The following DHRS3 variants were observed in gnomAD, a reference collection of about 807,000 sequenced individuals.
DHRS3 encodes the protein short-chain dehydrogenase/reductase 3.
DHRS3 carries 14 observed loss-of-function variants against 27.2 expected under a neutral mutation model. That is an observed-to-expected ratio of 0.52 (90% CI 0.34 to 0.81). The LOEUF (loss-of-function observed/expected upper bound fraction) is 0.81. DHRS3 is among the 30% of genes least tolerant of loss of function. DHRS3 has a pLI of 0.01. For missense variants in DHRS3, 322 were observed against 406.2 expected, an observed-to-expected ratio of 0.79 and a Z score of 1.78; for synonymous variants, 165 against 175.9, an observed-to-expected ratio of 0.94 and a Z score of 0.49.
intron 1 of DHRS3, among the ~76,000 whole-genome samples, chr1:12,599,739 G>A (rs540802110): frequency 2.4e-4 from 37 of 152,204 alleles, no homozygotes; most frequent in Non-Finnish European, 4.6e-4. Context: ...CATCCTTAAC[G>A]CCTCAGCTTA....
chr1:12,571,706 G>T (rs1001849343), intron 5 of DHRS3, among the ~76,000 whole-genome samples: 3 of 151,672 alleles, frequency 2.0e-5, no homozygotes, highest in African/African-American at 7.3e-5. Flanking sequence ...AATTTTTTTT[G>T]TATTTTTAGT....
chr1:12,615,441 G>A (rs1296896749), intron 1 of DHRS3, among the ~76,000 whole-genome samples: 2 of 152,138 alleles, frequency 1.3e-5, no homozygotes, highest in Non-Finnish European at 1.5e-5. Context: ...TTCCCGGTGC[G>A]TGAACTTGCA....
chr1:12,568,488 G>C, intron 5 of DHRS3, 64 bp from the exon 6 acceptor site: 1 of 1,516,016 alleles, frequency 6.6e-7, no homozygotes, highest in South Asian at 1.1e-5. Flanking sequence ...GGGCTGGGTC[G>C]CTGGTGGCCA....
At chr1:12,611,433 G>T (rs1180354868) in intron 1 of DHRS3, among the ~76,000 whole-genome samples, 1 of 152,224 alleles carries the variant, frequency 6.6e-6, no homozygotes, top group Non-Finnish European at 1.5e-5. Flanking sequence ...AACGTCTTCT[G>T]CAAGAGCTGA....
At chr1:12,605,456 T>C (rs1646864076) in intron 1 of DHRS3, among the ~76,000 whole-genome samples, 1 of 152,222 alleles carries the variant, frequency 6.6e-6, no homozygotes, top group Non-Finnish European at 1.5e-5. Flanking sequence ...TGTATATTAA[T>C]AGTGCCATGT....
At chr1:12,597,300 C>G (rs1317509838) in intron 1 of DHRS3, among the ~76,000 whole-genome samples, 1 of 152,186 alleles carries the variant, frequency 6.6e-6, no homozygotes, top group Non-Finnish European at 1.5e-5. Flanking sequence ...TGGTCTCGAA[C>G]TCCTGACCTC....
At chr1:12,573,288 C>T (rs941331665) in intron 4 of DHRS3, among the ~76,000 whole-genome samples, 1 of 152,250 alleles carries the variant, frequency 6.6e-6, no homozygotes, top group African/African-American at 2.4e-5. Flanking sequence ...GCCTGGCTCT[C>T]TCCTCCCAGC....
At chr1:12,606,231 T>A (rs2100717009) in intron 1 of DHRS3, among the ~76,000 whole-genome samples, 1 of 148,498 alleles carries the variant, frequency 6.7e-6, no homozygotes, top group East Asian at 2.0e-4. Context: ...AAGCCTGAAG[T>A]GCCAGACCAT....
intron 1 of DHRS3, among the ~76,000 whole-genome samples, chr1:12,584,569 A>C (rs973348909): frequency 6.6e-6 from 1 of 150,990 alleles, no homozygotes; most frequent in Non-Finnish European, 1.5e-5. Context: ...TGAATGAATG[A>C]ATGAATGACA....
chr1:12,598,056 C>T (rs368327667), intron 1 of DHRS3, among the ~76,000 whole-genome samples: 4 of 152,218 alleles, frequency 2.6e-5, no homozygotes, highest in African/African-American at 9.7e-5. Context: ...CCAGGAAGAA[C>T]GTATCACACA....
At chr1:12,595,060 A>G (rs112351086) in intron 1 of DHRS3, among the ~76,000 whole-genome samples, 5 of 152,270 alleles carry the variant, frequency 3.3e-5, no homozygotes, top group African/African-American at 9.6e-5. Flanking sequence ...AGGTCCCTTC[A>G]GCTTCCAGAA....
Position 12,586,883 on chromosome 1 carries a change from C to G in DHRS3, c.196-6217G>C, listed in dbSNP as rs1412014321. On this transcript the variant is annotated intron_variant, in intron 1 of 5. Transcript: ENST00000616661. The surrounding 1 kb of genome is among the most constrained non-coding windows in gnomAD (Gnocchi z 5.0). ...CCTGTGGGGATTAAGCTGGCAGAAGCTGGCACCCACTAACTAACTGCTCAG... is the reference window on the plus strand; with the variant it reads ...CCTGTGGGGATTAAGCTGGCAGAAGGTGGCACCCACTAACTAACTGCTCAG... Among the ~76,000 whole-genome samples the G allele has an allele frequency of 6.6e-6, 1 of 152,152 alleles. No homozygotes were observed. The highest frequency in any genetic ancestry group is 6.5e-5 in the Admixed American group (1 of 15,270).
Position 12,568,285 on chromosome 1 carries a change from C to T in DHRS3, c.*55G>A. ...ATGGACAGGTGCTCGGGTGTGTGCC[C>T]AGGTGCTGTGGCCCCCAAACTCCGT... On this transcript the variant is annotated 3_prime_UTR_variant, in exon 6 of 6. Transcript: ENST00000616661. 1 of 1,510,886 alleles carries T rather than the reference C, an allele frequency of 6.6e-7. No individual in the cohort carries two copies. Among genetic ancestry groups the T allele is most frequent in the South Asian group, 1.1e-5 (1 of 88,776 alleles). The allele number at this position is 1,510,886 out of a possible 1,614,324, so 93.6% of individuals were successfully genotyped here. A position where few individuals can be genotyped will look rare whatever the true frequency, so the allele number is the denominator to read the frequency against.
intron 1 of DHRS3, among the ~76,000 whole-genome samples, chr1:12,614,980 C>T (rs1646934969): frequency 6.6e-6 from 1 of 152,178 alleles, no homozygotes; most frequent in Non-Finnish European, 1.5e-5. Context: ...CACCTGTCCC[C>T]AACCCATAAT....
At chr1:12,580,435 C>G in intron 2 of DHRS3, 88 bp downstream of exon 2, 2 of 1,591,612 alleles carry the variant, frequency 1.3e-6, no homozygotes, top group Non-Finnish European at 1.7e-6. Context: ...AAGCAGAGCT[C>G]TCTTCCAGGC....
intron 5 of DHRS3, among the ~76,000 whole-genome samples, chr1:12,570,298 C>T (rs1327594043): frequency 2.0e-5 from 3 of 152,230 alleles, no homozygotes; most frequent in Non-Finnish European, 4.4e-5. Context: ...AGTCCCCACC[C>T]GTTTACTTGT....
At chr1:12,572,893 G>C (rs1172376181) in intron 4 of DHRS3, 40 bp from the exon 5 acceptor site, 2 of 1,538,654 alleles carry the variant, frequency 1.3e-6, no homozygotes. Flanking sequence ...CTCCTGGAGA[G>C]GCATGTGCTT....
chr1:12,616,305 C>T (rs971368608), intron 1 of DHRS3, among the ~76,000 whole-genome samples: 1 of 152,148 alleles, frequency 6.6e-6, no homozygotes, highest in African/African-American at 2.4e-5. Flanking sequence ...CTCTGGTCAC[C>T]GCGTGAGTCA....
In DHRS3 at chr1:12,578,767, C is replaced by G; in HGVS notation, c.649G>C (p.Val217Leu). The change falls in exon 4 of 6, where the codon GTG becomes CTG. Residue 217 changes from valine (V) to leucine (L), a missense_variant. Transcript: ENST00000616661. The surrounding 1 kb of genome is among the most constrained non-coding windows in gnomAD (Gnocchi z 4.5). ...TCGGTGCTGGTGTGGAAGGGCAGCA[C>G]TGTGGTGGCGCTGACTCCCGGACAG... The part of the protein sequence containing the change: ...LDCPGVSATT[V>L]LPFHTSTEMF... The G allele has an allele frequency of 6.2e-7, 1 of 1,614,098 alleles. No homozygotes were observed. The highest frequency in any genetic ancestry group is 1.1e-5 in the South Asian group (1 of 91,078).
Sources: allele counts gnomAD v4.1 joint callset (sites outside exome capture counted in the v4.1 genomes callset), GRCh38; gene constraint gnomAD v4.1.1; non-coding constraint Gnocchi (gnomAD v3.1); transcripts MANE v1.5; gene names NCBI Gene and HGNC (gene_info 2026-07-23, HGNC 2026-07-21).